Variants in KIZ observed in about 807,000 individuals in gnomAD.
KIZ encodes the protein kizuna centrosomal protein.
A neutral mutation model predicts 79.6 loss-of-function variants in KIZ; 68 were observed. That is an observed-to-expected ratio of 0.85 (90% CI 0.70 to 1.05). The LOEUF (loss-of-function observed/expected upper bound fraction) is 1.05. Among genes scored for constraint, KIZ ranks in the 50% least tolerant of loss-of-function variants. The pLI is 0.00. For synonymous variants in KIZ, 280 were observed against 281.8 expected (o/e 0.99, Z 0.06); for missense variants, 797 against 800.4 (o/e 1.00, Z 0.05).
At chr20:21,234,671 G>A (rs2036944033) in intron 11 of KIZ, among the ~76,000 whole-genome samples, 1 of 150,702 alleles carries the variant, frequency 6.6e-6, no homozygotes, top group African/African-American at 2.4e-5. Context: ...AAACATAACA[G>A]TGCAGTGCTG....
In KIZ at chr20:21,223,665, C is replaced by T. The variant is rs1428471701; in HGVS notation, c.1679-5346C>T. Among the ~76,000 whole-genome samples the T allele has an allele frequency of 2.1e-3, 266 of 126,132 alleles. 1 individual carries two copies. Among genetic ancestry groups the T allele is most frequent in the African/African-American group, 7.8e-3 (258 of 32,930 alleles). 82.7% of individuals were successfully genotyped at this position (126,132 alleles called of 152,430 possible). A position where few individuals can be genotyped will look rare whatever the true frequency, so the allele number is the denominator to read the frequency against. ...GCCATATCCTATTTTCTCTCTCTCT[C>T]TTTTTTTTTTTTTTTTTTTTCAGAG... On this transcript the variant is annotated intron_variant, in intron 9 of 12. Transcript: ENST00000619189.
intron 6 of KIZ, chr20:21,195,446 G>GA (rs1181119911): frequency 6.6e-6 from 1 of 152,310 alleles, no homozygotes; most frequent in African/African-American, 2.4e-5. Context: ...ACCATGGAGG[G>GA]AACCTGCTCC....
chr20:21,218,691 A>G (rs2123338435), intron 9 of KIZ: 1 of 152,370 alleles, frequency 6.6e-6, no homozygotes, highest in Non-Finnish European at 1.5e-5. Context: ...ATACTTTGTG[A>G]AACATACACA....
intron 6 of KIZ, among the ~76,000 whole-genome samples, chr20:21,181,300 C>G (rs1429853781): frequency 6.6e-6 from 1 of 152,176 alleles, no homozygotes; most frequent in Non-Finnish European, 1.5e-5. Flanking sequence ...CATGCTGGCC[C>G]AGCCACACCA....
At chr20:21,144,227 CA>C (rs1460072187) in intron 3 of KIZ, 2 of 152,102 alleles carry the variant, frequency 1.3e-5, no homozygotes, top group Admixed American at 1.3e-4. Context: ...ATGAGGAAAT[CA>C]GGTACAATGC....
At chr20:21,239,072 C>T (rs1006142566) in intron 11 of KIZ, among the ~76,000 whole-genome samples, 8 of 152,232 alleles carry the variant, frequency 5.3e-5, no homozygotes, top group Admixed American at 2.0e-4. Flanking sequence ...AGTGGCACTG[C>T]TTACTGAAGT....
At position 21,129,325 on chromosome 20, in the gene KIZ, G is replaced by A. The variant is rs559495966; in HGVS notation, c.90-2772G>A. Among the ~76,000 whole-genome samples the A allele has an allele frequency of 2.0e-5, 3 of 152,312 alleles. No individual in the cohort carries two copies. The South Asian group carries it at 6.2e-4, about 32-fold the overall frequency. ...GCAGATGTCTGCATCTGCTGAAGAT[G>A]TTTTACAAATAAATTTTACATTCAT... On this transcript the variant is annotated intron_variant, in intron 1 of 12. Transcript: ENST00000619189.
chr20:21,171,937 G>T (rs73290096), intron 6 of KIZ, among the ~76,000 whole-genome samples: 2,369 of 152,220 alleles, frequency 0.016, 30 homozygotes, highest in Middle Eastern at 0.041. Context: ...CCTTCCAGTC[G>T]TCCCCACCAA....
chr20:21,162,090 G>A lies in KIZ; in HGVS notation c.625G>A (p.Val209Ile). ...CAGTAATGTGACAGACAGCTGTGTA[G>A]TACAAACTAGTAATGACACACAGTG... is the stretch of plus-strand genomic sequence containing the variant. ...QSSNVTDSCVVQTSNDTQCLN... is the reference protein window; with the variant it reads ...QSSNVTDSCVIQTSNDTQCLN... Residue 209 changes from valine to isoleucine, a missense_variant, in exon 5 of 13, where the codon GTA becomes ATA. Transcript: ENST00000619189. 1.9e-6 allele frequency: 3 copies of A among 1,613,698 alleles called. No individual in the cohort carries two copies. Among genetic ancestry groups the A allele is most frequent in the South Asian group, 1.1e-5 (1 of 91,054 alleles).
chr20:21,231,505 C>T (rs938994899), intron 10 of KIZ, among the ~76,000 whole-genome samples: 2 of 152,130 alleles, frequency 1.3e-5, no homozygotes, highest in Non-Finnish European at 2.9e-5. Context: ...AAATTCATTT[C>T]CCTTGCCCCA....
At chr20:21,174,032 A>G (rs2034332735) in intron 6 of KIZ, among the ~76,000 whole-genome samples, 1 of 152,202 alleles carries the variant, frequency 6.6e-6, no homozygotes, top group Admixed American at 6.5e-5. Context: ...GCAGGGAAGA[A>G]CGAGGAGAAC....
Position 21,132,179 on chromosome 20 carries a change from A to G in KIZ, c.152+20A>G, listed in dbSNP as rs1296485059. 2.3e-6 allele frequency: 3 copies of G among 1,283,330 alleles called. No individual in the cohort carries two copies. The highest frequency in any genetic ancestry group is 3.3e-6 in the Non-Finnish European group (3 of 922,500). 79.5% of individuals were successfully genotyped at this position (1,283,330 alleles called of 1,614,324 possible). A position where few individuals can be genotyped will look rare whatever the true frequency, so the allele number is the denominator to read the frequency against. ...ATGCAGGTAAGAGACGACAGTGGGA[A>G]CAGTTTTCAAGCCAGGTTCCATATA... On this transcript the variant is annotated intron_variant, in intron 2 of 12. Transcript: ENST00000619189.
chr20:21,169,520 G>A (rs190650518), intron 6 of KIZ, among the ~76,000 whole-genome samples: 19 of 152,300 alleles, frequency 1.2e-4, no homozygotes, highest in Non-Finnish European at 2.2e-4. Context: ...AGTCAGTGTG[G>A]CGATTCCTCA....
chr20:21,238,956 TC>T (rs1298321073), intron 11 of KIZ, among the ~76,000 whole-genome samples: 2 of 152,154 alleles, frequency 1.3e-5, no homozygotes, highest in African/African-American at 4.8e-5. Flanking sequence ...AACCTCCCAT[TC>T]CTTGACCCCT....
intron 12 of KIZ, 112 bp from the exon 13 acceptor site, chr20:21,246,367 T>A: frequency 1.4e-6 from 1 of 694,174 alleles, no homozygotes; most frequent in South Asian, 1.6e-5. Flanking sequence ...GTCCCTGTTA[T>A]GCATTTTGCA....
At chr20:21,214,314 A>G (rs1481239773) in intron 7 of KIZ, among the ~76,000 whole-genome samples, 3 of 152,154 alleles carry the variant, frequency 2.0e-5, no homozygotes, top group Non-Finnish European at 2.9e-5. Flanking sequence ...AGCCCTCAAA[A>G]AGTGTATTAT....
intron 9 of KIZ, among the ~76,000 whole-genome samples, chr20:21,224,148 C>A (rs879862414): frequency 2.6e-5 from 4 of 151,608 alleles, no homozygotes; most frequent in Non-Finnish European, 4.4e-5. Flanking sequence ...CACGCGCCAC[C>A]ATGCAGTGGT....
At chr20:21,127,311 TC>T (rs1181445565) in intron 1 of KIZ, among the ~76,000 whole-genome samples, 2 of 152,218 alleles carry the variant, frequency 1.3e-5, no homozygotes, top group Non-Finnish European at 2.9e-5. Flanking sequence ...AGAAATCTCT[TC>T]CTGTAGAGCC....
chr20:21,194,502 T>A (rs1430690976), intron 6 of KIZ: 1 of 152,234 alleles, frequency 6.6e-6, no homozygotes, highest in East Asian at 1.9e-4. Flanking sequence ...AACTGATGAA[T>A]ATTTTATAAA....
Sources: allele counts gnomAD v4.1 joint callset (sites outside exome capture counted in the v4.1 genomes callset), GRCh38; gene constraint gnomAD v4.1.1; transcripts MANE v1.5; gene names NCBI Gene and HGNC (gene_info 2026-07-23, HGNC 2026-07-21).